HDAC9: variants seen among roughly 807,000 people sequenced by gnomAD.
HDAC9 encodes MEF-2 interacting transcription repressor (MITR) protein.
In HDAC9, 41 loss-of-function variants were observed where a neutral mutation model predicts 139.4. The ratio of observed to expected loss-of-function variants is 0.29; its 90% CI spans 0.23 to 0.38. The LOEUF (loss-of-function observed/expected upper bound fraction) is 0.38, where lower values mean the gene tolerates loss of function less well. Ranked by LOEUF, HDAC9 falls within the 10% of genes least tolerant of loss-of-function variation. The probability of loss-of-function intolerance (pLI) is 1.00; values close to 1 mark genes in which losing one functional copy is unlikely to be tolerated. For missense variants in HDAC9, 1,147 were observed against 1,297.0 expected (o/e 0.88, Z 1.78); for synonymous variants, 517 against 476.2 (o/e 1.09, Z -1.12).
chr7:18,905,439 A>T (rs1585276442), intron 22 of HDAC9, among the ~76,000 whole-genome samples: 1 of 152,216 alleles, frequency 6.6e-6, no homozygotes, highest in South Asian at 2.1e-4. Flanking sequence ...TTTCTACTTA[A>T]GATTGTACAA....
chr7:18,218,940 A>AGGCATGT, intron 2 of HDAC9, among the ~76,000 whole-genome samples: 1 of 152,182 alleles, frequency 6.6e-6, no homozygotes, highest in African/African-American at 2.4e-5. Context: ...TCCTGGGTCA[A>AGGCATGT]GGCATGTAAA....
intron 1 of HDAC9, among the ~76,000 whole-genome samples, chr7:18,375,490 A>G (rs1360814407): frequency 3.9e-5 from 6 of 152,040 alleles, no homozygotes; most frequent in Admixed American, 6.5e-5. Context: ...AACAACAAAA[A>G]AAAAACAAAA....
chr7:18,645,511 C>G (rs1336212459), intron 9 of HDAC9, among the ~76,000 whole-genome samples: 1 of 152,114 alleles, frequency 6.6e-6, no homozygotes, highest in Non-Finnish European at 1.5e-5. Flanking sequence ...TTTCCTAGTA[C>G]TCAGCAGAGA....
intron 16 of HDAC9, among the ~76,000 whole-genome samples, chr7:18,775,671 T>C (rs1291043032): frequency 1.4e-5 from 2 of 145,734 alleles, no homozygotes; most frequent in Non-Finnish European, 3.0e-5. Flanking sequence ...ACTCACATTT[T>C]TTCTTATGTT....
chr7:18,507,170 ATATTAT>A lies in HDAC9; in HGVS notation c.22+10873_22+10878del, dbSNP rs59819356. 7.1e-4 allele frequency among the ~76,000 whole-genome samples: 102 copies of A among 144,314 alleles called. 2 individuals are homozygous for A. The East Asian group carries it at 1.0e-2, about 14-fold the overall frequency. 94.7% of individuals were successfully genotyped at this position (144,314 alleles called of 152,430 possible). ...TGCAGGTCTTCCAAATATTCATTAC[ATATTAT>A]TATTATTATTATTATTATTATTATT... On this transcript the variant is annotated intron_variant, in intron 2 of 25. Transcript: ENST00000686413.
intron 25 of HDAC9, among the ~76,000 whole-genome samples, chr7:18,987,236 C>T (rs1025225276): frequency 2.7e-4 from 41 of 152,112 alleles, no homozygotes; most frequent in African/African-American, 9.4e-4. Context: ...ATTTGGAATA[C>T]GTCCCATCAA....
In HDAC9 at chr7:18,393,125, ATTT is replaced by A. The variant is rs66516361; in HGVS notation, c.-42+102620_-42+102622del. Among the ~76,000 whole-genome samples the A allele has an allele frequency of 9.4e-5, 14 of 149,450 alleles. No homozygotes were observed. In the East Asian group the frequency reaches 1.4e-3, roughly 15 times the overall value. On this transcript the variant is annotated intron_variant, in intron 1 of 3. Transcript: ENST00000413509. ...GATTTTAAAAATTTAGATAAAATGG[ATTT>A]TTTTTTTTTAAAAAAACATAAATTG...
intron 12 of HDAC9, among the ~76,000 whole-genome samples, chr7:18,713,219 A>G (rs910413842): frequency 2.6e-5 from 4 of 152,204 alleles, no homozygotes; most frequent in African/African-American, 7.2e-5. Context: ...ACAATTTATG[A>G]CAACTAATGA....
intron 1 of HDAC9, among the ~76,000 whole-genome samples, chr7:18,352,620 T>C (rs907594890): frequency 6.6e-6 from 1 of 152,096 alleles, no homozygotes; most frequent in Admixed American, 6.6e-5. Flanking sequence ...CCGTTTTAAA[T>C]ACTCAAAGGG....
intron 23 of HDAC9, 31 bp downstream of exon 23, chr7:18,935,973 G>T: frequency 1.3e-6 from 2 of 1,597,746 alleles, no homozygotes; most frequent in Admixed American, 3.4e-5. Context: ...AGGGGCAGGG[G>T]TAAAGAATCA....
chr7:18,855,862 C>A (rs1490530056), intron 21 of HDAC9, among the ~76,000 whole-genome samples: 1 of 152,036 alleles, frequency 6.6e-6, no homozygotes, highest in Non-Finnish European at 1.5e-5. Context: ...TGGAAACATT[C>A]CTTCTTTTAC....
intron 1 of HDAC9, among the ~76,000 whole-genome samples, chr7:18,109,082 G>A (rs1783430095): frequency 6.6e-6 from 1 of 152,222 alleles, no homozygotes; most frequent in African/African-American, 2.4e-5. Context: ...CCAGTTGGCA[G>A]TGAAGACTTC....
intron 16 of HDAC9, among the ~76,000 whole-genome samples, chr7:18,771,752 C>T (rs1403136239): frequency 1.3e-5 from 2 of 152,048 alleles, no homozygotes; most frequent in African/African-American, 4.8e-5. Flanking sequence ...CTGGTGTTTC[C>T]CTCCATTATA....
At chr7:18,749,180 A>G (rs760667988) in intron 14 of HDAC9, 42 bp downstream of exon 14, 20 of 1,599,778 alleles carry the variant, frequency 1.3e-5, no homozygotes, top group Non-Finnish European at 1.6e-5. Flanking sequence ...ACTTAAATAA[A>G]TCATGTAAAG....
In HDAC9 at chr7:18,590,419, G is replaced by A. The variant is rs368785508; in HGVS notation, c.348G>A (p.Gln116=). The A allele has an allele frequency of 4.3e-6, 7 of 1,609,298 alleles. No individual in the cohort carries two copies. In the African/African-American group the frequency reaches 8.0e-5, roughly 18 times the overall value. ...AACTGGAGCAGCAGAGGCAAGAACA[G>A]GAAGTAGAGAGGCATCGCAGAGAAC... The part of the protein sequence containing the change: ...EQKLEQQRQE[Q]EVERHRREQQ... The change falls in exon 4 of 26, where the codon CAG becomes CAA. Residue 116 remains glutamine, a synonymous_variant. Transcript: ENST00000686413.
chr7:18,296,949 C>T (rs760660185), intron 1 of HDAC9, among the ~76,000 whole-genome samples: 3 of 152,162 alleles, frequency 2.0e-5, no homozygotes, highest in Non-Finnish European at 2.9e-5. Context: ...GCGGTGCCTT[C>T]TTTCAGGAAG....
intron 2 of HDAC9, among the ~76,000 whole-genome samples, chr7:18,507,781 T>C (rs1800267814): frequency 6.6e-6 from 1 of 152,204 alleles, no homozygotes; most frequent in African/African-American, 2.4e-5. Flanking sequence ...TGTTTTGTGT[T>C]TTGTTTGGTT....
chr7:18,483,483 C>T (rs143565790), intron 1 of HDAC9, among the ~76,000 whole-genome samples: 1 of 152,216 alleles, frequency 6.6e-6, no homozygotes, highest in South Asian at 2.1e-4. Context: ...TTATTTATGA[C>T]CTGTATCAGT....
At chr7:18,745,046 G>A (rs2129144212) in intron 13 of HDAC9, among the ~76,000 whole-genome samples, 1 of 152,204 alleles carries the variant, frequency 6.6e-6, no homozygotes, top group South Asian at 2.1e-4. Flanking sequence ...TATTGCAAAT[G>A]GTAATCAGTG....
Sources: gnomAD v4.1 joint callset for allele counts (sites outside exome capture counted in the v4.1 genomes callset) on GRCh38, gnomAD v4.1.1 for gene constraint, MANE v1.5 for transcripts, NCBI Gene and HGNC (gene_info 2026-07-23, HGNC 2026-07-21) for gene names.